The following CRABP1 variants were observed in gnomAD, a reference collection of about 807,000 sequenced individuals.
CRABP1 encodes cellular retinoic acid-binding protein 1.
CRABP1 carries 9 observed loss-of-function variants against 16.4 expected under a neutral mutation model. That is an observed-to-expected ratio of 0.55 (90% CI 0.33 to 0.96). The LOEUF is 0.96. CRABP1 is among the 40% of genes least tolerant of loss of function. CRABP1 has a pLI of 0.03. For missense variants in CRABP1, 157 were observed against 186.0 expected (o/e 0.84, Z 0.91); for synonymous variants, 72 against 70.4 (o/e 1.02, Z -0.11).
chr15:78,345,221 G>A (rs2050258914), intron 3 of CRABP1, among the ~76,000 whole-genome samples: 2 of 152,148 alleles, frequency 1.3e-5, no homozygotes, highest in African/African-American at 4.8e-5. Context: ...TCTGATCCCT[G>A]AGGTCCCTCT....
intron 3 of CRABP1, among the ~76,000 whole-genome samples, chr15:78,346,049 C>T (rs540248802): frequency 2.6e-5 from 4 of 152,202 alleles, no homozygotes; most frequent in Admixed American, 6.5e-5. Context: ...GGAAATGCGG[C>T]GATTTCTTCT....
chr15:78,341,646 C>T lies in CRABP1; in HGVS notation c.249+425C>T, dbSNP rs887325809. 6.7e-6 allele frequency: 2 copies of T among 298,460 alleles called. No individual in the cohort carries two copies. The highest frequency in any genetic ancestry group is 2.2e-5 in the African/African-American group (1 of 45,666). The allele number at this position is 298,460 out of a possible 1,614,324, so 18.5% of individuals were successfully genotyped here. On this transcript the variant is annotated intron_variant, in intron 2 of 3. Coordinates refer to ENST00000299529, the MANE Select transcript of CRABP1 (RefSeq NM_004378.3). The surrounding 1 kb of genome is among the most constrained non-coding windows in gnomAD (Gnocchi z 5.3). ...CCGTATCCCCCGCGCCCGCCCGGGT[C>T]CCTGGGCCGCCTGGGTACGCTCTGG...
chr15:78,342,654 G>C (rs2050241566), intron 2 of CRABP1, among the ~76,000 whole-genome samples: 1 of 152,168 alleles, frequency 6.6e-6, no homozygotes, highest in African/African-American at 2.4e-5. Flanking sequence ...TTTCTAAAGG[G>C]ATGTAACCGG....
chr15:78,341,114 G>C lies in CRABP1; in HGVS notation c.142G>C (p.Gly48Arg), dbSNP rs539701191. Residue 48 changes from glycine (G) to arginine (R), a missense_variant, in exon 2 of 4, where the codon GGG becomes CGG. By Grantham distance (125) the Gly-to-Arg change is moderately radical. Transcript: ENST00000299529. The surrounding 1 kb of genome is among the most constrained non-coding windows in gnomAD (Gnocchi z 5.3). ...GCCGCACGTGGAGATCCGCCAGGACGGGGATCAGTTCTACATCAAGACATC... is the reference window on the plus strand; with the variant it reads ...GCCGCACGTGGAGATCCGCCAGGACCGGGATCAGTTCTACATCAAGACATC... ...SKPHVEIRQD[G>R]DQFYIKTSTT... 3 of 1,613,034 alleles carry C rather than the reference G, an allele frequency of 1.9e-6. No individual in the cohort carries two copies. The highest frequency in any genetic ancestry group is 2.7e-5 in the African/African-American group (2 of 75,032).
intron 1 of CRABP1, 185 bp from the exon 2 acceptor site, chr15:78,340,858 C>A (rs1199345482): frequency 1.5e-6 from 1 of 672,512 alleles, no homozygotes; most frequent in African/African-American, 1.8e-5. Flanking sequence ...CACTGTGCAA[C>A]TCGAGGAAAG....
In CRABP1 at chr15:78,348,103, T is replaced by C. The variant is rs1056848767; in HGVS notation, c.*126T>C. ...ATATTAGGTGATCCCGTTTTCCCCATGACAATGTTGTAGTGTCCCCCACCC... is the reference window on the plus strand; with the variant it reads ...ATATTAGGTGATCCCGTTTTCCCCACGACAATGTTGTAGTGTCCCCCACCC... On this transcript the variant is annotated 3_prime_UTR_variant, in exon 4 of 4. Transcript: ENST00000299529. 4 of 900,574 alleles carry C rather than the reference T, an allele frequency of 4.4e-6. No homozygotes were observed. Among genetic ancestry groups the C allele is most frequent in the African/African-American group, 1.7e-5 (1 of 60,372 alleles). 55.8% of individuals were successfully genotyped at this position (900,574 alleles called of 1,614,324 possible). A position where few individuals can be genotyped will look rare whatever the true frequency, so the allele number is the denominator to read the frequency against.
At position 78,347,966 on chromosome 15, in the gene CRABP1, G is replaced by T. The variant is rs777465806; in HGVS notation, c.403G>T (p.Val135Phe). The part of the protein sequence containing the change: ...ADDVVCTRIY[V>F]RE ...TGACGTGGTCTGCACCAGAATTTAT[G>T]TCCGAGAGTGAAGGCAGCTGGCTTG... The change falls in exon 4 of 4, where the codon GTC becomes TTC. Residue 135 changes from valine (V) to phenylalanine (F), a missense_variant. Val to Phe is a conservative substitution (Grantham distance 50, BLOSUM62 -1). Transcript: ENST00000299529. The T allele has an allele frequency of 3.1e-6, 5 of 1,614,002 alleles. No individual in the cohort carries two copies. Among genetic ancestry groups the T allele is most frequent in the Non-Finnish European group, 4.2e-6 (5 of 1,180,024 alleles).
Position 78,348,098 on chromosome 15 carries a change from C to T in CRABP1, c.*121C>T, listed in dbSNP as rs1469608168. The stretch of plus-strand genomic sequence containing the variant: ...TACCAATATTAGGTGATCCCGTTTT[C>T]CCCATGACAATGTTGTAGTGTCCCC... On this transcript the variant is annotated 3_prime_UTR_variant, in exon 4 of 4. Transcript: ENST00000299529. 1 of 941,558 alleles carries T rather than the reference C, an allele frequency of 1.1e-6. No individual in the cohort carries two copies. Among genetic ancestry groups the T allele is most frequent in the Non-Finnish European group, 1.6e-6 (1 of 607,232 alleles). The allele number at this position is 941,558 out of a possible 1,614,324, so 58.3% of individuals were successfully genotyped here.
At position 78,344,429 on chromosome 15, in the gene CRABP1, C is replaced by T. The variant is rs112198746; in HGVS notation, c.363+817C>T. On this transcript the variant is annotated intron_variant, in intron 3 of 3. Transcript: ENST00000299529. ...GAGCTGAGATGGCACCACTGCACTC[C>T]AGCCTGGGCGACAGAGACTCTGTCT... Among the ~76,000 whole-genome samples, 540 of 150,570 alleles carry T rather than the reference C, an allele frequency of 3.6e-3. 4 individuals are homozygous for T. The highest frequency in any genetic ancestry group is 0.013 in the African/African-American group (516 of 40,826).
chr15:78,341,622 C>A lies in CRABP1; in HGVS notation c.249+401C>A. ...CGCAGCTCTTGCATTCCTTTCCCGC[C>A]GTATCCCCCGCGCCCGCCCGGGTCC... On this transcript the variant is annotated intron_variant, in intron 2 of 3. Transcript: ENST00000299529. The surrounding 1 kb of genome is among the most constrained non-coding windows in gnomAD (Gnocchi z 5.3). The A allele has an allele frequency of 7.1e-6, 2 of 279,930 alleles. No homozygotes were observed. Among genetic ancestry groups the A allele is most frequent in the Non-Finnish European group, 1.4e-5 (2 of 141,848 alleles). 17.3% of individuals were successfully genotyped at this position (279,930 alleles called of 1,614,324 possible).
intron 2 of CRABP1, among the ~76,000 whole-genome samples, chr15:78,342,472 G>C (rs1367210024): frequency 2.0e-5 from 3 of 151,698 alleles, no homozygotes; most frequent in Non-Finnish European, 4.4e-5. Context: ...TGTGTCCCAT[G>C]TGTTAGTTAA....
chr15:78,347,199 G>C (rs8026332), intron 3 of CRABP1, among the ~76,000 whole-genome samples: 13,679 of 151,988 alleles, frequency 0.09, 1,232 homozygotes, highest in African/African-American at 0.23. Flanking sequence ...AACAAACTAA[G>C]AGCCATAGAA....
chr15:78,348,110 G>A lies in CRABP1; in HGVS notation c.*133G>A. The A allele has an allele frequency of 1.2e-6, 1 of 825,940 alleles. No individual in the cohort carries two copies. Among genetic ancestry groups the A allele is most frequent in the South Asian group, 1.7e-5 (1 of 59,996 alleles). The allele number at this position is 825,940 out of a possible 1,614,324, so 51.2% of individuals were successfully genotyped here. A position where few individuals can be genotyped will look rare whatever the true frequency, so the allele number is the denominator to read the frequency against. On this transcript the variant is annotated 3_prime_UTR_variant, in exon 4 of 4. Coordinates refer to ENST00000299529, the MANE Select transcript of CRABP1 (RefSeq NM_004378.3). ...GTGATCCCGTTTTCCCCATGACAAT[G>A]TTGTAGTGTCCCCCACCCCCACCCC... is the stretch of plus-strand genomic sequence containing the variant.
At chr15:78,340,709 C>T in intron 1 of CRABP1, 1 of 630,720 alleles carries the variant, frequency 1.6e-6, no homozygotes, top group Non-Finnish European at 2.7e-6. Context: ...CGAACGTTTG[C>T]TGAATGTTTG....
rs2050277024 is a variant in CRABP1 at position 78,348,052 on chromosome 15, C to T, written c.*75C>T. 7.1e-7 allele frequency: 1 copy of T among 1,403,604 alleles called. No individual in the cohort carries two copies. Among genetic ancestry groups the T allele is most frequent in the African/African-American group, 1.4e-5 (1 of 69,918 alleles). The allele number at this position is 1,403,604 out of a possible 1,614,324, so 86.9% of individuals were successfully genotyped here. ...GGAATATGTCATAGTTCTGAGCTGC[C>T]AGTGGACCGCCCTTTTCCCCTACCA... On this transcript the variant is annotated 3_prime_UTR_variant, in exon 4 of 4. Coordinates refer to ENST00000299529, the MANE Select transcript of CRABP1 (RefSeq NM_004378.3).
chr15:78,345,594 C>T (rs942498878), intron 3 of CRABP1, among the ~76,000 whole-genome samples: 1 of 152,110 alleles, frequency 6.6e-6, no homozygotes, highest in African/African-American at 2.4e-5. Flanking sequence ...TTATTAACCT[C>T]TGTAGTATAC....
In CRABP1 at chr15:78,343,556, G is replaced by C; in HGVS notation, c.307G>C (p.Gly103Arg). Residue 103 changes from glycine (G) to arginine (R), a missense_variant, in exon 3 of 4, where the codon GGG becomes CGG. Transcript: ENST00000299529. ...CCACTGCACGCAAACTCTTCTTGAAGGGGACGGCCCCAAAACCTACTGGAC... is the reference window on the plus strand; with the variant it reads ...CCACTGCACGCAAACTCTTCTTGAACGGGACGGCCCCAAAACCTACTGGAC... ...KIHCTQTLLE[G>R]DGPKTYWTRE... is the part of the protein sequence containing the mutation. 6.2e-7 allele frequency: 1 copy of C among 1,614,220 alleles called. No individual in the cohort carries two copies. The highest frequency in any genetic ancestry group is 1.3e-5 in the African/African-American group (1 of 75,062).
chr15:78,343,647 T>A, intron 3 of CRABP1, 35 bp downstream of exon 3: 1 of 1,574,506 alleles, frequency 6.4e-7, no homozygotes, highest in Admixed American at 1.7e-5. Flanking sequence ...AATCCTGAAG[T>A]TCCCCCAGAG....
rs2050236988 is a variant in CRABP1 at position 78,341,810 on chromosome 15, C to G, written c.249+589C>G. 6.2e-6 allele frequency: 1 copy of G among 162,492 alleles called. No individual in the cohort carries two copies. The highest frequency in any genetic ancestry group is 1.4e-5 in the Non-Finnish European group (1 of 73,922). 10.1% of individuals were successfully genotyped at this position (162,492 alleles called of 1,614,324 possible). A position where few individuals can be genotyped will look rare whatever the true frequency, so the allele number is the denominator to read the frequency against. ...AATGGACTAGTTGCCCTCTCTTAGTCCTCAAGGGCAAGAGTTTTTTTTTAT... is the reference window on the plus strand; with the variant it reads ...AATGGACTAGTTGCCCTCTCTTAGTGCTCAAGGGCAAGAGTTTTTTTTTAT... On this transcript the variant is annotated intron_variant, in intron 2 of 3. Coordinates refer to ENST00000299529, the MANE Select transcript of CRABP1 (RefSeq NM_004378.3). This position sits in a 1 kb window ranked among gnomAD's most constrained non-coding sequence, Gnocchi z 5.3.
Sources: allele counts gnomAD v4.1 joint callset (sites outside exome capture counted in the v4.1 genomes callset), GRCh38; gene constraint gnomAD v4.1.1; non-coding constraint Gnocchi (gnomAD v3.1); transcripts MANE v1.5; gene names NCBI Gene and HGNC (gene_info 2026-07-23, HGNC 2026-07-21).